SLC24A2: variants seen among roughly 807,000 people sequenced by gnomAD.
The protein encoded by SLC24A2 is sodium/potassium/calcium exchanger 2.
SLC24A2 carries 36 observed loss-of-function variants against 62.0 expected under a neutral mutation model. That is an observed-to-expected ratio of 0.58 (90% CI 0.44 to 0.77). The LOEUF (loss-of-function observed/expected upper bound fraction) is 0.77. Ranked by LOEUF, SLC24A2 falls within the 30% of genes least tolerant of loss-of-function variation. SLC24A2 has a pLI of 0.00. For missense variants in SLC24A2, 846 were observed against 817.9 expected (o/e 1.03, Z -0.42); for synonymous variants, 358 against 294.0 (o/e 1.22, Z -2.23).
At chr9:19,844,224 GGAGT>G in the SLC24A2 span, among the ~76,000 whole-genome samples, 1 of 152,124 alleles carries the variant, frequency 6.6e-6, no homozygotes, top group Middle Eastern at 3.2e-3. Context: ...CATTCTGATT[GGAGT>G]GAGATGGTAT....
rs940321244 is a variant in SLC24A2 at position 19,510,083 on chromosome 9, T to C, written c.*6070A>G. 1 of 152,156 alleles carries C rather than the reference T, an allele frequency of 6.6e-6. No homozygotes were observed. The highest frequency in any genetic ancestry group is 1.5e-5 in the Non-Finnish European group (1 of 68,038). The allele number at this position is 152,156 out of a possible 1,614,324, so 9.4% of individuals were successfully genotyped here. ...CCCAGAGTTTTGGAGTAATCTAAAG[T>C]GGTGTCTCCCCAATTTTGAGTTCTT... On this transcript the variant is annotated 3_prime_UTR_variant, in exon 11 of 11. Transcript: ENST00000341998.
At chr9:19,709,141 A>G (rs368962266) in intron 2 of SLC24A2, among the ~76,000 whole-genome samples, 1,901 of 152,232 alleles carry the variant, frequency 0.012, 11 homozygotes, top group South Asian at 0.041. Flanking sequence ...GCAGCCAAAA[A>G]ACACATGAAA....
the SLC24A2 span, among the ~76,000 whole-genome samples, chr9:20,146,325 T>G: frequency 6.6e-6 from 1 of 152,144 alleles, no homozygotes; most frequent in Non-Finnish European, 1.5e-5. Context: ...AGTCTGAGTC[T>G]CTGACATCAG....
chr9:19,973,487 G>A, the SLC24A2 span, among the ~76,000 whole-genome samples: 1 of 152,242 alleles, frequency 6.6e-6, no homozygotes, highest in African/African-American at 2.4e-5. Context: ...ATTACAGCAA[G>A]GAGTAGTAGA....
chr9:19,995,085 T>TG, the SLC24A2 span, among the ~76,000 whole-genome samples: 1 of 151,274 alleles, frequency 6.6e-6, no homozygotes, highest in Non-Finnish European at 1.5e-5. Context: ...AGGCCTTTTT[T>TG]TTTTTTCTCC....
At chr9:20,088,067 C>A in the SLC24A2 span, among the ~76,000 whole-genome samples, 2 of 152,222 alleles carry the variant, frequency 1.3e-5, no homozygotes. Context: ...CTTAGGTTCA[C>A]ATGGAACCAC....
the SLC24A2 span, among the ~76,000 whole-genome samples, chr9:19,867,467 T>C: frequency 2.6e-5 from 4 of 152,236 alleles, no homozygotes; most frequent in Non-Finnish European, 5.9e-5. Context: ...TTTGTTAGCA[T>C]ACAATTGTCG....
At chr9:20,100,478 C>A in the SLC24A2 span, among the ~76,000 whole-genome samples, 4 of 152,180 alleles carry the variant, frequency 2.6e-5, no homozygotes, top group African/African-American at 9.7e-5. Flanking sequence ...AACCCAGGTG[C>A]ATTTCTCTTG....
the SLC24A2 span, among the ~76,000 whole-genome samples, chr9:19,972,849 C>T: frequency 2.4e-4 from 37 of 152,228 alleles, no homozygotes; most frequent in South Asian, 7.3e-3. Flanking sequence ...TCTGTCATTA[C>T]GAGAAGAGCA....
chr9:19,724,080 T>C (rs543141589), intron 2 of SLC24A2, among the ~76,000 whole-genome samples: 5 of 152,332 alleles, frequency 3.3e-5, no homozygotes, highest in African/African-American at 7.2e-5. Context: ...CATAATCTCA[T>C]AATTTAATTT....
chr9:20,250,414 C>G, the SLC24A2 span, among the ~76,000 whole-genome samples: 1 of 152,176 alleles, frequency 6.6e-6, no homozygotes, highest in Non-Finnish European at 1.5e-5. Context: ...ATCAACAGCT[C>G]TTTCCTAATG....
chr9:20,121,903 AG>A, the SLC24A2 span, among the ~76,000 whole-genome samples: 1 of 152,204 alleles, frequency 6.6e-6, no homozygotes, highest in Non-Finnish European at 1.5e-5. Context: ...ATACATCTAG[AG>A]CTTTACACGT....
the SLC24A2 span, among the ~76,000 whole-genome samples, chr9:20,098,635 T>G: frequency 6.6e-6 from 1 of 152,182 alleles, no homozygotes; most frequent in Admixed American, 6.5e-5. Context: ...CACTTCCCCT[T>G]TGTCCCTGAA....
At chr9:19,526,942 T>C (rs1305984154) in intron 9 of SLC24A2, among the ~76,000 whole-genome samples, 1 of 152,188 alleles carries the variant, frequency 6.6e-6, no homozygotes, top group African/African-American at 2.4e-5. Context: ...ACAGATTTTT[T>C]TTCTGTCCTC....
intron 2 of SLC24A2, among the ~76,000 whole-genome samples, chr9:19,758,913 A>G (rs1339765578): frequency 2.0e-5 from 3 of 152,270 alleles, no homozygotes; most frequent in East Asian, 3.9e-4. Context: ...CCTTGATTCA[A>G]TAGCTTACCC....
At chr9:20,204,772 C>G in the SLC24A2 span, among the ~76,000 whole-genome samples, 1 of 137,886 alleles carries the variant, frequency 7.3e-6, no homozygotes, top group Non-Finnish European at 1.5e-5. Flanking sequence ...GAGACAGAGT[C>G]TCGTTCTGTC....
chr9:19,705,342 TGAA>T (rs1166578544), intron 2 of SLC24A2: 19 of 155,068 alleles, frequency 1.2e-4, no homozygotes, highest in Admixed American at 3.3e-4. Context: ...CAAACAGAAC[TGAA>T]GAAGAAGCTG....
chr9:20,159,660 T>C, the SLC24A2 span, among the ~76,000 whole-genome samples: 1 of 151,470 alleles, frequency 6.6e-6, no homozygotes, highest in South Asian at 2.1e-4. Context: ...TATCCTTGTA[T>C]AGGGAATAGG....
At chr9:20,183,055 A>C in the SLC24A2 span, among the ~76,000 whole-genome samples, 2 of 152,224 alleles carry the variant, frequency 1.3e-5, no homozygotes, top group African/African-American at 2.4e-5. Flanking sequence ...AGTCTCTTAG[A>C]AGAAACACTC....
Sources: gnomAD v4.1 joint callset for allele counts (sites outside exome capture counted in the v4.1 genomes callset) on GRCh38, gnomAD v4.1.1 for gene constraint, MANE v1.5 for transcripts, NCBI Gene and HGNC (gene_info 2026-07-23, HGNC 2026-07-21) for gene names.